Variants in ERBB4 observed in about 807,000 individuals in gnomAD.
The protein encoded by ERBB4 is erb-b2 receptor tyrosine kinase 4.
In ERBB4, 42 loss-of-function variants were observed where a neutral mutation model predicts 158.0. The ratio of observed to expected loss-of-function variants is 0.27; its 90% CI spans 0.21 to 0.34. ERBB4 has a LOEUF of 0.34. ERBB4 is among the 10% of genes least tolerant of loss of function. ERBB4 has a pLI of 1.00. For synonymous variants in ERBB4, 583 were observed against 558.7 expected (o/e 1.04, Z -0.61); for missense variants, 1,333 against 1,624.1 (o/e 0.82, Z 3.08).
chr2:212,076,976 G>A (rs556094595), intron 2 of ERBB4, among the ~76,000 whole-genome samples: 1 of 152,062 alleles, frequency 6.6e-6, no homozygotes, highest in Admixed American at 6.6e-5. Flanking sequence ...GTAGAAAACT[G>A]TGCAAGAGAT....
chr2:211,681,673 C>T (rs2105967606), intron 12 of ERBB4, among the ~76,000 whole-genome samples: 2 of 152,106 alleles, frequency 1.3e-5, no homozygotes, highest in South Asian at 2.1e-4. Flanking sequence ...TGGTCAAGTG[C>T]CACCAAATCT....
intron 19 of ERBB4, among the ~76,000 whole-genome samples, chr2:211,588,971 A>G (rs575142179): frequency 6.6e-6 from 1 of 152,340 alleles, no homozygotes; most frequent in East Asian, 1.9e-4. Context: ...GAGAAAAAAT[A>G]TGTTTATAAT....
At chr2:211,675,774 T>C (rs1177486174) in intron 13 of ERBB4, among the ~76,000 whole-genome samples, 1 of 102,116 alleles carries the variant, frequency 9.8e-6, no homozygotes, top group Non-Finnish European at 2.1e-5. Flanking sequence ...TAATATAATA[T>C]ATATATAAAA....
intron 1 of ERBB4, among the ~76,000 whole-genome samples, chr2:212,244,682 C>T (rs1265408902): frequency 1.3e-5 from 2 of 152,144 alleles, no homozygotes; most frequent in Non-Finnish European, 2.9e-5. Flanking sequence ...CCATTCCTCT[C>T]ACCTTGCACC....
chr2:211,464,360 G>A (rs2064619325), intron 20 of ERBB4, among the ~76,000 whole-genome samples: 1 of 152,160 alleles, frequency 6.6e-6, no homozygotes, highest in African/African-American at 2.4e-5. Flanking sequence ...CTTCCAAACA[G>A]TTGGGGTATT....
chr2:212,049,727 A>G (rs2077350253), intron 2 of ERBB4, among the ~76,000 whole-genome samples: 2 of 152,234 alleles, frequency 1.3e-5, no homozygotes, highest in South Asian at 2.1e-4. Context: ...TTAAAAGAAC[A>G]TTGCTGGGCA....
chr2:212,452,991 T>G (rs1266536762), intron 1 of ERBB4, among the ~76,000 whole-genome samples: 1 of 152,162 alleles, frequency 6.6e-6, no homozygotes, highest in Admixed American at 6.6e-5. Context: ...CTGGAACAAA[T>G]AGACCCTACA....
chr2:212,276,222 A>G (rs2085529538), intron 1 of ERBB4, among the ~76,000 whole-genome samples: 1 of 151,772 alleles, frequency 6.6e-6, no homozygotes, highest in African/African-American at 2.4e-5. Flanking sequence ...TGCCTAGAAC[A>G]TAGTAGTCAA....
intron 3 of ERBB4, among the ~76,000 whole-genome samples, chr2:211,833,264 GA>G (rs2077265470): frequency 6.6e-6 from 1 of 152,102 alleles, no homozygotes. Flanking sequence ...GCAGCTCCCT[GA>G]CTGGTTAATT....
chr2:212,323,436 G>A (rs193068455), intron 1 of ERBB4, among the ~76,000 whole-genome samples: 1 of 150,278 alleles, frequency 6.7e-6, no homozygotes, highest in South Asian at 2.1e-4. Flanking sequence ...GTGGGGAAGG[G>A]TATGAGCTTG....
chr2:211,977,975 C>A (rs2081666067), intron 2 of ERBB4, among the ~76,000 whole-genome samples: 1 of 150,712 alleles, frequency 6.6e-6, no homozygotes, highest in South Asian at 2.1e-4. Context: ...CTATCCATCA[C>A]ACCCACAATG....
chr2:211,803,612 T>C (rs2076548352), intron 3 of ERBB4, among the ~76,000 whole-genome samples: 1 of 152,106 alleles, frequency 6.6e-6, no homozygotes. Flanking sequence ...TTGCCAGAGG[T>C]TGGTTTTATT....
chr2:211,658,445 T>C (rs908497856), intron 15 of ERBB4, among the ~76,000 whole-genome samples: 1 of 152,148 alleles, frequency 6.6e-6, no homozygotes, highest in African/African-American at 2.4e-5. Context: ...TGCTCAATGC[T>C]CATTAAAGGT....
chr2:211,867,108 T>C (rs1282553529), intron 3 of ERBB4, among the ~76,000 whole-genome samples: 2 of 148,840 alleles, frequency 1.3e-5, no homozygotes, highest in Non-Finnish European at 3.0e-5. Context: ...TAATCTGAAC[T>C]ATCAAAAAGT....
chr2:212,520,254 C>G (rs979124), intron 1 of ERBB4, among the ~76,000 whole-genome samples: 1 of 151,724 alleles, frequency 6.6e-6, no homozygotes, highest in Non-Finnish European at 1.5e-5. Flanking sequence ...TAGTTTAATA[C>G]TCCAATTTAT....
intron 3 of ERBB4, among the ~76,000 whole-genome samples, chr2:211,884,414 C>T (rs765276684): frequency 1.8e-4 from 28 of 152,204 alleles, no homozygotes; most frequent in South Asian, 4.1e-4. Context: ...ACCACGGAAA[C>T]GGCAGAAAAG....
intron 2 of ERBB4, among the ~76,000 whole-genome samples, chr2:212,040,353 C>G (rs1286231545): frequency 5.7e-4 from 86 of 151,488 alleles, no homozygotes; most frequent in African/African-American, 2.0e-3. Context: ...AGAAAGAAAA[C>G]ACTTATATAT....
At chr2:212,146,232 A>T (rs561748288) in intron 1 of ERBB4, among the ~76,000 whole-genome samples, 1 of 152,264 alleles carries the variant, frequency 6.6e-6, no homozygotes, top group East Asian at 1.9e-4. Context: ...CTCCTCAATA[A>T]TGTTAATGCC....
intron 2 of ERBB4, among the ~76,000 whole-genome samples, chr2:211,956,060 GTGTA>G (rs1388745272): frequency 5.4e-5 from 8 of 147,966 alleles, no homozygotes; most frequent in African/African-American, 2.0e-4. Flanking sequence ...GTGTGTGTGT[GTGTA>G]TTTGTTTTCT....
Sources: gnomAD v4.1 joint callset for allele counts (sites outside exome capture counted in the v4.1 genomes callset) on GRCh38, gnomAD v4.1.1 for gene constraint, MANE v1.5 for transcripts, NCBI Gene and HGNC (gene_info 2026-07-23, HGNC 2026-07-21) for gene names.